Variants in HAUS6 observed in about 807,000 individuals in gnomAD.
The protein encoded by HAUS6 is HAUS augmin-like complex subunit 6.
Under a neutral mutation model 106.8 loss-of-function variants are expected in HAUS6, and 80 were observed. The observed-to-expected ratio is 0.75, with a 90% confidence interval of 0.63 to 0.90. The LOEUF (loss-of-function observed/expected upper bound fraction) is 0.90, where lower values mean the gene tolerates loss of function less well. HAUS6 is among the 40% of genes least tolerant of loss of function. The pLI is 0.00. For missense variants in HAUS6, 1,155 were observed against 1,118.1 expected, an observed-to-expected ratio of 1.03 and a Z score of -0.47; for synonymous variants, 356 against 379.1, an observed-to-expected ratio of 0.94 and a Z score of 0.71.
At chr9:19,065,781 C>T (rs1322964411) in intron 12 of HAUS6, among the ~76,000 whole-genome samples, 7 of 151,984 alleles carry the variant, frequency 4.6e-5, no homozygotes, top group African/African-American at 1.7e-4. Flanking sequence ...GCAGCAGTTG[C>T]AGTGAGCCGA....
At chr9:19,081,870 G>T (rs1352259562) in intron 8 of HAUS6, among the ~76,000 whole-genome samples, 1 of 151,698 alleles carries the variant, frequency 6.6e-6, no homozygotes, top group East Asian at 2.0e-4. Context: ...CTCTAAGCCG[G>T]CCTGGCCAAC....
chr9:19,100,647 T>C (rs1270590670), intron 1 of HAUS6, among the ~76,000 whole-genome samples: 1 of 152,212 alleles, frequency 6.6e-6, no homozygotes, highest in Non-Finnish European at 1.5e-5. Flanking sequence ...AGTGACACAT[T>C]ATTCACAATA....
At chr9:19,096,059 T>C (rs989163414) in intron 2 of HAUS6, among the ~76,000 whole-genome samples, 1 of 152,178 alleles carries the variant, frequency 6.6e-6, no homozygotes, top group Non-Finnish European at 1.5e-5. Flanking sequence ...TTTAATTGTT[T>C]TGCTAACAAT....
chr9:19,095,812 G>T (rs570584314), intron 2 of HAUS6, among the ~76,000 whole-genome samples: 2 of 152,206 alleles, frequency 1.3e-5, no homozygotes, highest in South Asian at 2.1e-4. Flanking sequence ...AGACTTGTGG[G>T]TGCTTACATT....
intron 11 of HAUS6, among the ~76,000 whole-genome samples, chr9:19,075,235 T>C (rs888306659): frequency 2.6e-5 from 4 of 151,866 alleles, no homozygotes. Context: ...ACTGGAGAAG[T>C]GAAGGGGGAT....
intron 7 of HAUS6, among the ~76,000 whole-genome samples, chr9:19,084,909 G>A (rs1327170039): frequency 6.6e-6 from 1 of 151,408 alleles, no homozygotes; most frequent in African/African-American, 2.4e-5. Flanking sequence ...TCACAGGCGT[G>A]AGCCACTGTA....
Position 19,072,700 on chromosome 9 carries a change from G to A in HAUS6, c.1295-2400C>T, listed in dbSNP as rs994978959. The stretch of plus-strand genomic sequence containing the variant: ...ATGAAGACATTTTCAAAGAAAGAAC[G>A]AGAATTTTACTATTCAGAGTCCAAG... On this transcript the variant is annotated intron_variant, in intron 11 of 16. Transcript: ENST00000380502. 5.3e-5 allele frequency among the ~76,000 whole-genome samples: 8 copies of A among 151,954 alleles called. No individual in the cohort carries two copies. The East Asian group carries it at 7.7e-4, about 15-fold the overall frequency.
At chr9:19,092,351 C>T (rs1168009797) in intron 4 of HAUS6, among the ~76,000 whole-genome samples, 1 of 151,218 alleles carries the variant, frequency 6.6e-6, no homozygotes, top group Non-Finnish European at 1.5e-5. Flanking sequence ...AATCCTAACA[C>T]TTTGGTGTAA....
rs1836676930 is a variant in HAUS6 at position 19,063,437 on chromosome 9, G to A, written c.1443+77C>T. 36 of 738,476 alleles carry A rather than the reference G, an allele frequency of 4.9e-5. No individual in the cohort carries two copies. The South Asian group carries it at 7.0e-4, about 14-fold the overall frequency. The allele number at this position is 738,476 out of a possible 1,614,324, so 45.7% of individuals were successfully genotyped here. A position where few individuals can be genotyped will look rare whatever the true frequency, so the allele number is the denominator to read the frequency against. On this transcript the variant is annotated intron_variant, in intron 13 of 16. Coordinates refer to ENST00000380502, the MANE Select transcript of HAUS6 (RefSeq NM_017645.5). ...GTGAAATTAGAAATTAAATTTAACT[G>A]TGGTATCAACAAAAATAAATAATAT...
At position 19,058,043 on chromosome 9, in the gene HAUS6, T is replaced by C. The variant is rs1438726811; in HGVS notation, c.2724A>G (p.Ser908=). 1.2e-6 allele frequency: 2 copies of C among 1,612,976 alleles called. No homozygotes were observed. Among genetic ancestry groups the C allele is most frequent in the Non-Finnish European group, 8.5e-7 (1 of 1,178,896 alleles). Residue 908 remains serine (S), a synonymous_variant, in exon 16 of 17, where the codon TCA becomes TCG. Coordinates refer to ENST00000380502, the MANE Select transcript of HAUS6 (RefSeq NM_017645.5). ...TSIGERKRSL[S]PLIKFSPVEQ... is the part of the protein sequence containing the mutation. ...CCACTGGAGAAAACTTAATTAGTGG[T>C]GAAAGAGACCGTTTTCTTTCACCGA...
At chr9:19,066,554 G>C (rs953250136) in intron 12 of HAUS6, among the ~76,000 whole-genome samples, 4 of 151,856 alleles carry the variant, frequency 2.6e-5, no homozygotes. Context: ...CATCATTACC[G>C]TTAGAAATAT....
intron 1 of HAUS6, among the ~76,000 whole-genome samples, chr9:19,100,710 G>A (rs1817969402): frequency 6.6e-6 from 1 of 152,166 alleles, no homozygotes; most frequent in Non-Finnish European, 1.5e-5. Flanking sequence ...CAGATGAATG[G>A]ATAAAGAAAT....
At chr9:19,077,235 A>G (rs575105145) in intron 10 of HAUS6, among the ~76,000 whole-genome samples, 11 of 152,300 alleles carry the variant, frequency 7.2e-5, no homozygotes, top group African/African-American at 2.6e-4. Flanking sequence ...CCTCACATCA[A>G]GAGGAGTCTT....
chr9:19,085,352 T>A (rs1268481992), intron 7 of HAUS6, among the ~76,000 whole-genome samples: 1 of 152,174 alleles, frequency 6.6e-6, no homozygotes, highest in Non-Finnish European at 1.5e-5. Context: ...ATTATATAAT[T>A]TGCAATCAGA....
intron 3 of HAUS6, 75 bp from the exon 4 acceptor site, chr9:19,093,378 G>A: frequency 7.8e-7 from 1 of 1,284,916 alleles, no homozygotes; most frequent in East Asian, 2.4e-5. Flanking sequence ...CACTATTTTT[G>A]TTAAAGGGTG....
chr9:19,053,458 T>C lies in HAUS6; in HGVS notation c.*2885A>G, dbSNP rs1836400762. ...AAATTTGACTTCATAGTCAAGAGTCTCATGGTAAAGAAAAGGTATCAAAAT... is the reference window on the plus strand; with the variant it reads ...AAATTTGACTTCATAGTCAAGAGTCCCATGGTAAAGAAAAGGTATCAAAAT... On this transcript the variant is annotated 3_prime_UTR_variant, in exon 17 of 17. Transcript: ENST00000380502. The C allele has an allele frequency of 6.6e-6, 1 of 152,202 alleles. No homozygotes were observed. The highest frequency in any genetic ancestry group is 6.5e-5 in the Admixed American group (1 of 15,286). The allele number at this position is 152,202 out of a possible 1,614,324, so 9.4% of individuals were successfully genotyped here.
intron 11 of HAUS6, among the ~76,000 whole-genome samples, chr9:19,074,408 A>C (rs1341256500): frequency 1.3e-5 from 2 of 152,084 alleles, no homozygotes; most frequent in Non-Finnish European, 2.9e-5. Flanking sequence ...AATAGCTAGG[A>C]CTACAGACAC....
rs201926208 is a variant in HAUS6, at chr9:19,087,176, A to G, written c.585-20T>C. 1.1e-3 allele frequency: 1,399 copies of G among 1,301,954 alleles called. 1 individual carries two copies. The highest frequency in any genetic ancestry group is 1.4e-3 in the Non-Finnish European group (1,250 of 896,820). 80.7% of individuals were successfully genotyped at this position (1,301,954 alleles called of 1,614,324 possible). A position where few individuals can be genotyped will look rare whatever the true frequency, so the allele number is the denominator to read the frequency against. ...GATAATCTGCAAGAAAACATACAAA[A>G]TGACAACTATAATACCATTACGATT... On this transcript the variant is annotated intron_variant, in intron 5 of 16. Transcript: ENST00000380502.
chr9:19,078,743 G>A (rs1470944320), intron 9 of HAUS6, among the ~76,000 whole-genome samples: 3 of 151,526 alleles, frequency 2.0e-5, no homozygotes, highest in South Asian at 2.1e-4. Context: ...AGCCGAGATC[G>A]TGCCATTGCA....
Sources: gnomAD v4.1 joint callset for allele counts (sites outside exome capture counted in the v4.1 genomes callset) on GRCh38, gnomAD v4.1.1 for gene constraint, MANE v1.5 for transcripts, NCBI Gene and HGNC (gene_info 2026-07-23, HGNC 2026-07-21) for gene names.